ERI1: variants seen among roughly 807,000 people sequenced by gnomAD.
ERI1 encodes exoribonuclease 1.
Under a neutral mutation model 39.7 loss-of-function variants are expected in ERI1, and 39 were observed. The ratio of observed to expected loss-of-function variants is 0.98; its 90% CI spans 0.76 to 1.28. ERI1 has a LOEUF of 1.28. Ranked by LOEUF, ERI1 falls within the 50% of genes most tolerant of loss-of-function variation. The pLI is 0.00. For synonymous variants in ERI1, 204 were observed against 149.6 expected (o/e 1.36, Z -2.65); for missense variants, 581 against 416.9 (o/e 1.39, Z -3.43).
chr8:9,006,079 G>T (rs1423447598), intron 1 of ERI1, among the ~76,000 whole-genome samples: 1 of 152,216 alleles, frequency 6.6e-6, no homozygotes, highest in African/African-American at 2.4e-5. Flanking sequence ...TGATGCAAAT[G>T]TAAGTATGTA....
downstream of ERI1, among the ~76,000 whole-genome samples, chr8:9,035,893 C>G (rs1436939686): frequency 1.3e-5 from 2 of 152,172 alleles, no homozygotes; most frequent in African/African-American, 2.4e-5. Flanking sequence ...AGATATCAAC[C>G]TTAACAGGAA....
chr8:9,042,804 T>C (rs978474916), intron 3 of ERI1, among the ~76,000 whole-genome samples: 9 of 152,224 alleles, frequency 5.9e-5, no homozygotes, highest in African/African-American at 2.2e-4. Context: ...ATCAATATAA[T>C]ACGGATATTC....
At chr8:9,044,567 G>A (rs971568479) in intron 3 of ERI1, among the ~76,000 whole-genome samples, 1 of 152,132 alleles carries the variant, frequency 6.6e-6, no homozygotes. Flanking sequence ...AGTACACAGA[G>A]GACAGTGTAG....
In ERI1 at chr8:9,031,661, A is replaced by G. The variant is rs1053551177; in HGVS notation, c.*1627A>G. 1 of 152,128 alleles carries G rather than the reference A, an allele frequency of 6.6e-6. No individual in the cohort carries two copies. Among genetic ancestry groups the G allele is most frequent in the Admixed American group, 6.5e-5 (1 of 15,278 alleles). The allele number at this position is 152,128 out of a possible 1,614,324, so 9.4% of individuals were successfully genotyped here. On this transcript the variant is annotated 3_prime_UTR_variant, in exon 7 of 7. Transcript: ENST00000250263. ...TCCAGTTTTTTTAGCTCTATCTGCT[A>G]ATTTCTTTGCCTGTTTTCACTTTCG...
downstream of ERI1, among the ~76,000 whole-genome samples, chr8:9,037,511 T>C (rs1385755472): frequency 6.6e-6 from 1 of 152,024 alleles, no homozygotes; most frequent in Non-Finnish European, 1.5e-5. Context: ...TTTTTTTTTT[T>C]CTGTTTCCCC....
intron 2 of ERI1, among the ~76,000 whole-genome samples, chr8:9,010,346 C>T (rs1036986114): frequency 6.6e-6 from 1 of 152,114 alleles, no homozygotes; most frequent in Non-Finnish European, 1.5e-5. Context: ...AGAAAGTAAT[C>T]CAAAGCTGTC....
chr8:9,009,789 C>T (rs185371875), intron 2 of ERI1, among the ~76,000 whole-genome samples: 1 of 152,284 alleles, frequency 6.6e-6, no homozygotes, highest in Non-Finnish European at 1.5e-5. Context: ...TCACCCCCCT[C>T]CCAAAGTGCT....
chr8:9,036,289 T>C (rs116656257), downstream of ERI1, among the ~76,000 whole-genome samples: 299 of 152,308 alleles, frequency 2.0e-3, 1 homozygote, highest in African/African-American at 6.8e-3. Context: ...AGCACAAATA[T>C]CAGTTGATGG....
chr8:9,086,114 A>G (rs1198543629), intron 3 of ERI1, among the ~76,000 whole-genome samples: 4 of 152,106 alleles, frequency 2.6e-5, no homozygotes, highest in South Asian at 2.1e-4. Context: ...CATGAATGCT[A>G]AAAAAACAGG....
In ERI1 at chr8:9,064,883, C is replaced by T. The variant is rs182882292; in HGVS notation, n.299+44419C>T. 4.1e-3 allele frequency among the ~76,000 whole-genome samples: 626 copies of T among 152,048 alleles called. 2 individuals carry two copies. Among genetic ancestry groups the T allele is most frequent in the Middle Eastern group, 6.8e-3 (2 of 292 alleles). The stretch of plus-strand genomic sequence containing the variant: ...CACCTGGGTGCAAGCGGGCTGAGTC[C>T]GAGAAGAGAGTCAGCGAAGGGAGAC... On this transcript the variant is annotated intron_variant and non_coding_transcript_variant, in intron 3 of 3. Coordinates refer to the ERI1 transcript ENST00000518663.
intron 3 of ERI1, among the ~76,000 whole-genome samples, chr8:9,051,533 T>G (rs540867512): frequency 6.6e-6 from 1 of 152,040 alleles, no homozygotes; most frequent in Non-Finnish European, 1.5e-5. Flanking sequence ...AGCATGCACC[T>G]GTAGTTCCAG....
At chr8:9,048,517 G>C (rs1161897116) in intron 3 of ERI1, 2 of 154,378 alleles carry the variant, frequency 1.3e-5, no homozygotes, top group African/African-American at 2.4e-5. Flanking sequence ...GCCTGGTGGA[G>C]TGAGGCGTTG....
At chr8:9,033,818 T>C (rs1797748476), downstream of ERI1, among the ~76,000 whole-genome samples, 2 of 152,242 alleles carry the variant, frequency 1.3e-5, no homozygotes, top group South Asian at 4.1e-4. Context: ...TAACCTGATA[T>C]TCCAGGAACA....
intron 4 of ERI1, among the ~76,000 whole-genome samples, chr8:9,016,950 T>G (rs1817364306): frequency 1.3e-5 from 2 of 152,242 alleles, no homozygotes; most frequent in Non-Finnish European, 2.9e-5. Context: ...GCCAAAGTGC[T>G]GGGATTACAG....
At chr8:9,045,304 T>C (rs1289507462) in intron 3 of ERI1, among the ~76,000 whole-genome samples, 3 of 150,416 alleles carry the variant, frequency 2.0e-5, no homozygotes, top group African/African-American at 7.3e-5. Context: ...AGATTTCCAC[T>C]AGACTGGTTC....
In ERI1 at chr8:9,026,464, T is replaced by A. The variant is rs541862356; in HGVS notation, c.808-3328T>A. On this transcript the variant is annotated intron_variant, in intron 6 of 6. Transcript: ENST00000250263. ...GTTTGACTTATCTATATACCTCTTA[T>A]AAGTGGAGGCGTACAGTATTTGATC... Among the ~76,000 whole-genome samples the A allele has an allele frequency of 5.5e-4, 84 of 152,318 alleles. 1 individual carries two copies. The highest frequency in any genetic ancestry group is 1.0e-3 in the Non-Finnish European group (69 of 68,024).
chr8:9,003,634 G>C (rs116626677), intron 1 of ERI1, among the ~76,000 whole-genome samples: 1,865 of 152,254 alleles, frequency 0.012, 39 homozygotes, highest in South Asian at 0.091. Context: ...GTGGAGCTTC[G>C]TCTTAGCTGC....
chr8:9,070,230 C>G (rs1799005359), intron 3 of ERI1, among the ~76,000 whole-genome samples: 1 of 150,540 alleles, frequency 6.6e-6, no homozygotes, highest in Non-Finnish European at 1.5e-5. Flanking sequence ...GAGTGAGACG[C>G]TGTCTCAAAA....
chr8:9,037,667 G>T (rs76377676), downstream of ERI1, among the ~76,000 whole-genome samples: 11 of 152,130 alleles, frequency 7.2e-5, no homozygotes, highest in East Asian at 7.7e-4. Flanking sequence ...AAAAGGTAGC[G>T]TAAGTCCTGA....
Sources: gnomAD v4.1 joint callset for allele counts (sites outside exome capture counted in the v4.1 genomes callset) on GRCh38, gnomAD v4.1.1 for gene constraint, MANE v1.5 for transcripts, NCBI Gene and HGNC (gene_info 2026-07-23, HGNC 2026-07-21) for gene names.